FSD1: variants seen among roughly 807,000 people sequenced by gnomAD.
The protein encoded by FSD1 is fibronectin type III and SPRY domain-containing protein 1.
In FSD1, 23 loss-of-function variants were observed where a neutral mutation model predicts 58.2. The observed-to-expected ratio is 0.40, with a 90% CI of 0.28 to 0.56. The LOEUF (loss-of-function observed/expected upper bound fraction) is 0.56. Among genes scored for constraint, FSD1 ranks in the 20% least tolerant of loss-of-function variants. FSD1 has a pLI of 0.54. For synonymous variants in FSD1, 265 were observed against 263.4 expected (o/e 1.01, Z -0.06); for missense variants, 563 against 670.8 (o/e 0.84, Z 1.78).
At chr19:4,321,004 T>G (rs949421758) in intron 10 of FSD1, among the ~76,000 whole-genome samples, 1 of 140,460 alleles carries the variant, frequency 7.1e-6, no homozygotes, top group African/African-American at 2.7e-5. Flanking sequence ...GAGGAGTATC[T>G]GGAGGGGAAT....
intron 10 of FSD1, among the ~76,000 whole-genome samples, chr19:4,321,047 G>A (rs905154684): frequency 5.6e-5 from 8 of 143,972 alleles, no homozygotes; most frequent in African/African-American, 1.3e-4. Flanking sequence ...GAGGGGAATC[G>A]CTGGGACTGG....
chr19:4,308,055 C>T, intron 4 of FSD1, 72 bp downstream of exon 4: 2 of 1,211,518 alleles, frequency 1.7e-6, no homozygotes, highest in Non-Finnish European at 2.4e-6. Flanking sequence ...TGAACAAGCA[C>T]ATTTTTAGTG....
Position 4,311,832 on chromosome 19 carries a change from T to C in FSD1, c.491-10T>C. ...GAATCCCGACCCCCTCTCCTTTCCG[T>C]CTTGGTCAGTGCCCAGCGCACCCGT... is the stretch of plus-strand genomic sequence containing the variant. On this transcript the variant is annotated splice_polypyrimidine_tract_variant and intron_variant, in intron 6 of 12. Transcript: ENST00000221856. 1 of 1,613,810 alleles carries C rather than the reference T, an allele frequency of 6.2e-7. No individual in the cohort carries two copies. The highest frequency in any genetic ancestry group is 1.1e-5 in the South Asian group (1 of 91,066).
intron 6 of FSD1, chr19:4,311,497 C>A (rs1402412110): frequency 1.6e-5 from 4 of 254,306 alleles, no homozygotes; most frequent in Admixed American, 5.2e-5. Flanking sequence ...GCCTGGCCAA[C>A]ATGGAGAAAC....
intron 7 of FSD1, among the ~76,000 whole-genome samples, chr19:4,312,458 T>C (rs1363891427): frequency 6.6e-6 from 1 of 151,022 alleles, no homozygotes; most frequent in Admixed American, 6.6e-5. Flanking sequence ...GCTATTGCAC[T>C]CCAGCCTGGG....
At chr19:4,318,294 T>A in intron 8 of FSD1, 52 bp from the exon 9 acceptor site, 1 of 1,612,520 alleles carries the variant, frequency 6.2e-7, no homozygotes, top group Non-Finnish European at 8.5e-7. Flanking sequence ...TCTCTCTCTG[T>A]GTCTCTCCGG....
chr19:4,306,418 G>A (rs1388134974), intron 3 of FSD1, 89 bp downstream of exon 3: 3 of 1,392,158 alleles, frequency 2.2e-6, no homozygotes, highest in Non-Finnish European at 3.0e-6. Context: ...AAAACTGGGT[G>A]CTCTCGAGTT....
chr19:4,308,131 C>T (rs73919830), intron 4 of FSD1, 148 bp downstream of exon 4: 88,271 of 631,400 alleles, frequency 0.14, 6,816 homozygotes, highest in South Asian at 0.2. Flanking sequence ...GTGTCCAGGC[C>T]GGGCACAGTG....
At chr19:4,312,673 T>C (rs1351098218) in intron 7 of FSD1, among the ~76,000 whole-genome samples, 1 of 150,438 alleles carries the variant, frequency 6.6e-6, no homozygotes, top group African/African-American at 2.4e-5. Flanking sequence ...GGCGTGGCGG[T>C]GTGCACCTGT....
intron 1 of FSD1, 38 bp downstream of exon 1, chr19:4,304,799 T>TG: frequency 4.1e-6 from 1 of 245,062 alleles, no homozygotes; most frequent in Non-Finnish European, 7.4e-6. Context: ...CGCAGGGGCG[T>TG]CGGGGGCGGG....
chr19:4,323,680 G>C lies in FSD1; in HGVS notation c.*37G>C, dbSNP rs1971733875. On this transcript the variant is annotated 3_prime_UTR_variant, in exon 13 of 13. Coordinates refer to ENST00000221856, the MANE Select transcript of FSD1 (RefSeq NM_024333.3). This position sits in a 1 kb window ranked among gnomAD's most constrained non-coding sequence, Gnocchi z 7.7. ...CCCACCCAGCTGGGGTGTTTTTGGG[G>C]GAGTCGCCGCCAAGCCCAGGCTGCT... 1 of 1,467,536 alleles carries C rather than the reference G, an allele frequency of 6.8e-7. No individual in the cohort carries two copies. Among genetic ancestry groups the C allele is most frequent in the African/African-American group, 1.4e-5 (1 of 71,880 alleles). 90.9% of individuals were successfully genotyped at this position (1,467,536 alleles called of 1,614,324 possible). A position where few individuals can be genotyped will look rare whatever the true frequency, so the allele number is the denominator to read the frequency against.
At chr19:4,307,615 C>T (rs538411540) in intron 3 of FSD1, among the ~76,000 whole-genome samples, 5 of 151,772 alleles carry the variant, frequency 3.3e-5, no homozygotes, top group East Asian at 1.9e-4. Context: ...GTGATCCTCC[C>T]GCCTCAGCCT....
chr19:4,313,385 C>T lies in FSD1; in HGVS notation c.700+1334C>T, dbSNP rs368670139. Among the ~76,000 whole-genome samples the T allele has an allele frequency of 2.7e-4, 41 of 151,322 alleles. No individual in the cohort carries two copies. In the East Asian group the frequency reaches 5.9e-3, roughly 22 times the overall value. Reference sequence around the variant, plus strand: ...AATAAAGAAAAAAAAAAACAAAACCCAAGGAATCCACCCAGCTGGTGGAGG... The same window carrying T: ...AATAAAGAAAAAAAAAAACAAAACCTAAGGAATCCACCCAGCTGGTGGAGG... On this transcript the variant is annotated intron_variant, in intron 7 of 12. Coordinates refer to ENST00000221856, the MANE Select transcript of FSD1 (RefSeq NM_024333.3).
In FSD1 at chr19:4,318,658, A is replaced by T. The variant is rs3745991; in HGVS notation, c.959+153A>T. ...TGAAGGGAGAGGAGGTTTTGAGTGG[A>T]GTTTTGATGGTTAAATAGGAGTTTC... is the stretch of plus-strand genomic sequence containing the variant. On this transcript the variant is annotated intron_variant, in intron 9 of 12. Coordinates refer to ENST00000221856, the MANE Select transcript of FSD1 (RefSeq NM_024333.3). Among the ~76,000 whole-genome samples the T allele has an allele frequency of 1.4e-4, 22 of 151,790 alleles. No individual in the cohort carries two copies. The South Asian group carries it at 4.6e-3, about 32-fold the overall frequency.
At chr19:4,322,895 G>A (rs1433456486) in intron 10 of FSD1, 91 bp from the exon 11 acceptor site, 36 of 1,454,818 alleles carry the variant, frequency 2.5e-5, no homozygotes, top group Non-Finnish European at 3.1e-5. Flanking sequence ...GTGGTGTAAG[G>A]AGCACCTTGG....
intron 3 of FSD1, among the ~76,000 whole-genome samples, chr19:4,306,667 C>T (rs1342313446): frequency 1.3e-5 from 2 of 152,020 alleles, no homozygotes; most frequent in African/African-American, 2.4e-5. Flanking sequence ...GGGGTTTCAC[C>T]GTGTGGGCCA....
intron 10 of FSD1, among the ~76,000 whole-genome samples, chr19:4,322,395 A>G (rs1195651420): frequency 3.9e-5 from 6 of 151,964 alleles, no homozygotes; most frequent in Admixed American, 1.3e-4. Flanking sequence ...GCTGGAGCCC[A>G]AGGAGTATCT....
At chr19:4,308,474 G>A (rs1280181347) in intron 4 of FSD1, among the ~76,000 whole-genome samples, 1 of 152,176 alleles carries the variant, frequency 6.6e-6, no homozygotes, top group African/African-American at 2.4e-5. Flanking sequence ...TGTAATACCA[G>A]CAGTTTGGGA....
intron 3 of FSD1, among the ~76,000 whole-genome samples, chr19:4,306,620 A>G (rs1470178427): frequency 6.6e-6 from 1 of 151,770 alleles, no homozygotes; most frequent in Non-Finnish European, 1.5e-5. Context: ...GGTACCCGCC[A>G]TCATGCTGGG....
Sources: allele counts gnomAD v4.1 joint callset (sites outside exome capture counted in the v4.1 genomes callset), GRCh38; gene constraint gnomAD v4.1.1; non-coding constraint Gnocchi (gnomAD v3.1); transcripts MANE v1.5; gene names NCBI Gene and HGNC (gene_info 2026-07-23, HGNC 2026-07-21).